ARHGAP22: variants seen among roughly 807,000 people sequenced by gnomAD.
ARHGAP22 encodes the protein Rho GTPase activating protein 22.
In ARHGAP22, 48 loss-of-function variants were observed where a neutral mutation model predicts 59.1. That is an observed-to-expected ratio of 0.81 (90% CI 0.64 to 1.03). The LOEUF is 1.03. ARHGAP22 is among the 50% of genes least tolerant of loss of function. ARHGAP22 has a pLI of 0.00. For synonymous variants in ARHGAP22, 445 were observed against 416.4 expected (o/e 1.07, Z -0.84); for missense variants, 1,015 against 958.7 (o/e 1.06, Z -0.78).
At chr10:48,532,457 C>T (rs1325970588) in intron 3 of ARHGAP22, 1 of 152,142 alleles carries the variant, frequency 6.6e-6, no homozygotes, top group Non-Finnish European at 1.5e-5. Flanking sequence ...TCTCTTTTAA[C>T]ACAACCTCCT....
At chr10:48,516,448 A>T (rs775444643) in intron 3 of ARHGAP22, among the ~76,000 whole-genome samples, 1 of 152,144 alleles carries the variant, frequency 6.6e-6, no homozygotes, top group African/African-American at 2.4e-5. Context: ...GGATTGCTGG[A>T]GCCCAGAGGT....
At position 48,583,076 on chromosome 10, in the gene ARHGAP22, G is replaced by C; in HGVS notation, c.111C>G (p.Pro37=). 2 of 1,614,248 alleles carry C rather than the reference G, an allele frequency of 1.2e-6. No homozygotes were observed. The highest frequency in any genetic ancestry group is 1.7e-6 in the Non-Finnish European group (2 of 1,180,046). The change falls in exon 2 of 10, where the codon CCC becomes CCG. Residue 37 remains proline, a synonymous_variant. Transcript: ENST00000249601. ...TCTTCAGCCAGCCCGCCTTCAGCAC[G>C]GGGCCCAGCCTGTGAGGGCACGGCA... ...GRMPCPHRLG[P]VLKAGWLKKQ...
intron 3 of ARHGAP22, among the ~76,000 whole-genome samples, chr10:48,487,516 G>A (rs1721304842): frequency 6.6e-6 from 1 of 152,156 alleles, no homozygotes; most frequent in Non-Finnish European, 1.5e-5. Context: ...CAGCAGAAGG[G>A]ATAAAATGTG....
intron 3 of ARHGAP22, among the ~76,000 whole-genome samples, chr10:48,553,863 G>A (rs2057095668): frequency 6.6e-6 from 1 of 152,186 alleles, no homozygotes; most frequent in East Asian, 1.9e-4. Context: ...TGAATTGATG[G>A]CTGGAGTGTG....
At chr10:48,440,168 C>T in the ARHGAP22 span, among the ~76,000 whole-genome samples, 1 of 150,456 alleles carries the variant, frequency 6.6e-6, no homozygotes, top group Admixed American at 6.6e-5. Flanking sequence ...GGTCTATTAA[C>T]TTGATCTAAG....
At chr10:48,499,765 A>C (rs890448596) in intron 3 of ARHGAP22, among the ~76,000 whole-genome samples, 1 of 152,250 alleles carries the variant, frequency 6.6e-6, no homozygotes, top group African/African-American at 2.4e-5. Context: ...AGAATCCAGT[A>C]AATCAACTGG....
intron 1 of ARHGAP22, among the ~76,000 whole-genome samples, chr10:48,591,607 C>T (rs549939864): frequency 6.6e-6 from 1 of 151,986 alleles, no homozygotes; most frequent in South Asian, 2.1e-4. Flanking sequence ...CACATGTTGG[C>T]GAGGCTGTGA....
chr10:48,523,832 G>A (rs1169720967), intron 3 of ARHGAP22, among the ~76,000 whole-genome samples: 9 of 152,072 alleles, frequency 5.9e-5, no homozygotes, highest in African/African-American at 2.2e-4. Context: ...TCCCACATGG[G>A]GACCGAGGAG....
chr10:48,463,667 G>A (rs2047371220), intron 4 of ARHGAP22, among the ~76,000 whole-genome samples: 1 of 152,204 alleles, frequency 6.6e-6, no homozygotes, highest in South Asian at 2.1e-4. Context: ...AAGCTCAGAA[G>A]TCCCTGCTAC....
At chr10:48,562,631 CA>C (rs1038847360) in intron 2 of ARHGAP22, among the ~76,000 whole-genome samples, 7 of 151,916 alleles carry the variant, frequency 4.6e-5, no homozygotes, top group Non-Finnish European at 7.4e-5. Context: ...TCAGGAGGGG[CA>C]AAGGGAGTGG....
intron 3 of ARHGAP22, among the ~76,000 whole-genome samples, chr10:48,527,493 T>A (rs74696751): frequency 9.3e-5 from 14 of 151,220 alleles, no homozygotes; most frequent in South Asian, 4.2e-4. Flanking sequence ...GGATGGTTGG[T>A]TGGATGGAGG....
At chr10:48,546,581 C>T (rs1210404982) in intron 3 of ARHGAP22, 2 of 158,730 alleles carry the variant, frequency 1.3e-5, no homozygotes, top group Non-Finnish European at 2.8e-5. Context: ...GAGAAAGAGG[C>T]TCCGCTAGCT....
chr10:48,552,517 ACC>A (rs1357452973), intron 3 of ARHGAP22, among the ~76,000 whole-genome samples: 1 of 152,070 alleles, frequency 6.6e-6, no homozygotes, highest in African/African-American at 2.4e-5. Context: ...TTGCACATTT[ACC>A]CCGGGGGCTG....
intron 1 of ARHGAP22, among the ~76,000 whole-genome samples, chr10:48,622,320 G>A (rs1369158765): frequency 6.6e-6 from 1 of 151,400 alleles, no homozygotes; most frequent in East Asian, 1.9e-4. Context: ...TTTTCTTAGT[G>A]GTTGCCTTGG....
chr10:48,562,785 T>C (rs1311455244), intron 2 of ARHGAP22, among the ~76,000 whole-genome samples: 2 of 152,224 alleles, frequency 1.3e-5, no homozygotes, highest in African/African-American at 4.8e-5. Flanking sequence ...CAGTTCATTG[T>C]ATGTCAATTA....
In ARHGAP22 at chr10:48,555,480, A is replaced by T. The variant is rs568419648; in HGVS notation, c.305T>A (p.Leu102His). The stretch of plus-strand genomic sequence containing the variant: ...AGGCCTACCTGGGCTGATCTCAAAG[A>T]GGTGCTTCCCTGGGTCCTCGGGGCC... ...PPGPEDPGKHLFEISPGGAGE... is the reference protein window; with the variant it reads ...PPGPEDPGKHHFEISPGGAGE... The change falls in exon 3 of 10, where the codon CTC becomes CAC. Residue 102 changes from leucine (L) to histidine (H), a missense_variant. Leu to His is a moderately conservative substitution (Grantham distance 99). Transcript: ENST00000249601. 15 of 1,613,994 alleles carry T rather than the reference A, an allele frequency of 9.3e-6. No homozygotes were observed. Among genetic ancestry groups the T allele is most frequent in the Non-Finnish European group, 1.1e-5 (13 of 1,180,016 alleles).
chr10:48,539,473 A>G (rs1043397839), intron 3 of ARHGAP22, among the ~76,000 whole-genome samples: 1 of 150,722 alleles, frequency 6.6e-6, no homozygotes, highest in Non-Finnish European at 1.5e-5. Flanking sequence ...TTGTATTTTT[A>G]GTAGAGACGG....
intron 1 of ARHGAP22, among the ~76,000 whole-genome samples, chr10:48,628,871 G>A (rs925375027): frequency 6.6e-6 from 1 of 152,074 alleles, no homozygotes; most frequent in Non-Finnish European, 1.5e-5. Flanking sequence ...CATCAACCTG[G>A]GGAGTCTGAG....
At chr10:48,482,372 A>T (rs1419065992) in intron 3 of ARHGAP22, among the ~76,000 whole-genome samples, 1 of 152,164 alleles carries the variant, frequency 6.6e-6, no homozygotes, top group Admixed American at 6.6e-5. Flanking sequence ...ACACCAGTGA[A>T]CCTCCATGTG....
Sources: gnomAD v4.1 joint callset for allele counts (sites outside exome capture counted in the v4.1 genomes callset) on GRCh38, gnomAD v4.1.1 for gene constraint, MANE v1.5 for transcripts, NCBI Gene and HGNC (gene_info 2026-07-23, HGNC 2026-07-21) for gene names.